ZFHX3: variants seen among roughly 807,000 people sequenced by gnomAD.
ZFHX3 encodes zinc finger homeobox protein 3.
Under a neutral mutation model 279.1 loss-of-function variants are expected in ZFHX3, and 42 were observed. The observed-to-expected ratio is 0.15, with a 90% CI of 0.12 to 0.19. The LOEUF is 0.19. ZFHX3 is among the 10% of genes least tolerant of loss of function. The pLI, the probability that ZFHX3 is intolerant of heterozygous loss-of-function variation, is 1.00. For synonymous variants in ZFHX3, 2,293 were observed against 1,957.8 expected (o/e 1.17, Z -4.52); for missense variants, 4,981 against 4,754.0 (o/e 1.05, Z -1.40).
At chr16:73,617,081 G>C (rs567332278) in intron 2 of ZFHX3, among the ~76,000 whole-genome samples, 2 of 152,284 alleles carry the variant, frequency 1.3e-5, no homozygotes, top group African/African-American at 2.4e-5. Context: ...GAGAGATTAG[G>C]TGCAGATGAG....
chr16:73,738,078 G>C (rs577153089), intron 1 of ZFHX3, among the ~76,000 whole-genome samples: 51 of 152,128 alleles, frequency 3.4e-4, no homozygotes, highest in African/African-American at 1.2e-3. Context: ...ATCAAAAGTG[G>C]GGCAAAAATA....
At chr16:73,295,074 G>A (rs990961764) in intron 4 of ZFHX3, among the ~76,000 whole-genome samples, 1 of 151,932 alleles carries the variant, frequency 6.6e-6, no homozygotes. Context: ...AATTAGCCAG[G>A]CATGGTGGCA....
intron 2 of ZFHX3, among the ~76,000 whole-genome samples, chr16:73,475,247 C>T (rs1356431557): frequency 1.3e-5 from 2 of 152,162 alleles, no homozygotes; most frequent in Admixed American, 1.3e-4. Flanking sequence ...ACTGACTTTA[C>T]GATATTCGTG....
chr16:73,267,808 G>T (rs556561564), intron 4 of ZFHX3, among the ~76,000 whole-genome samples: 16 of 152,100 alleles, frequency 1.1e-4, no homozygotes, highest in East Asian at 3.9e-4. Flanking sequence ...AAGATGATAC[G>T]CAAATTTTCA....
At chr16:73,568,553 G>T (rs1157755404) in intron 2 of ZFHX3, among the ~76,000 whole-genome samples, 2 of 152,204 alleles carry the variant, frequency 1.3e-5, no homozygotes, top group Non-Finnish European at 2.9e-5. Flanking sequence ...AAATCAACCC[G>T]TGTGGAACTT....
At chr16:72,858,194 T>A (rs1303742988) in intron 4 of ZFHX3, among the ~76,000 whole-genome samples, 2 of 152,234 alleles carry the variant, frequency 1.3e-5, no homozygotes, top group Non-Finnish European at 2.9e-5. Flanking sequence ...TGGAAGAAAT[T>A]ATTTTAGATC....
chr16:73,068,424 C>T (rs1223858699), intron 8 of ZFHX3, among the ~76,000 whole-genome samples: 1 of 152,108 alleles, frequency 6.6e-6, no homozygotes, highest in South Asian at 2.1e-4. Context: ...AGAGACAAGT[C>T]ACTGATGGGC....
chr16:72,862,832 GA>G (rs200599099), intron 4 of ZFHX3, among the ~76,000 whole-genome samples: 18,856 of 150,118 alleles, frequency 0.13, 3,292 homozygotes, highest in African/African-American at 0.39. Flanking sequence ...AAATTGCAAG[GA>G]AGGAAAAAAA....
At chr16:73,362,137 C>T (rs1193830390) in intron 3 of ZFHX3, among the ~76,000 whole-genome samples, 2 of 134,370 alleles carry the variant, frequency 1.5e-5, no homozygotes, top group African/African-American at 6.1e-5. Flanking sequence ...CCTTGCCTTC[C>T]TTGCCAACCC....
intron 4 of ZFHX3, among the ~76,000 whole-genome samples, chr16:73,291,907 C>T (rs959933945): frequency 2.0e-5 from 3 of 152,158 alleles, no homozygotes; most frequent in Admixed American, 1.3e-4. Flanking sequence ...TGGCAAGCAT[C>T]TCACTTTTGT....
At chr16:73,306,445 A>G (rs548993045) in intron 4 of ZFHX3, among the ~76,000 whole-genome samples, 2 of 152,146 alleles carry the variant, frequency 1.3e-5, no homozygotes, top group African/African-American at 4.8e-5. Flanking sequence ...TCAGCCTCCC[A>G]TGTACCTGGG....
chr16:73,761,668 G>A (rs971616379), intron 1 of ZFHX3, among the ~76,000 whole-genome samples: 1 of 152,094 alleles, frequency 6.6e-6, no homozygotes, highest in Non-Finnish European at 1.5e-5. Context: ...AAAGAACTCA[G>A]AAATAAGACT....
intron 2 of ZFHX3, among the ~76,000 whole-genome samples, chr16:73,658,134 A>G (rs1188242902): frequency 6.6e-6 from 1 of 152,208 alleles, no homozygotes; most frequent in Non-Finnish European, 1.5e-5. Context: ...ATAATACATT[A>G]CAATTAACAT....
intron 5 of ZFHX3, among the ~76,000 whole-genome samples, chr16:73,203,508 T>G (rs2011681513): frequency 6.6e-6 from 1 of 152,254 alleles, no homozygotes; most frequent in Non-Finnish European, 1.5e-5. Flanking sequence ...TAATGATGCC[T>G]TGTTCCTAGT....
At chr16:73,613,818 A>C (rs1446847931) in intron 2 of ZFHX3, among the ~76,000 whole-genome samples, 3 of 152,174 alleles carry the variant, frequency 2.0e-5, no homozygotes, top group Non-Finnish European at 4.4e-5. Context: ...AGGCCCATTA[A>C]TCTGGCAGAA....
intron 1 of ZFHX3, among the ~76,000 whole-genome samples, chr16:73,839,991 A>G (rs542479674): frequency 7.2e-4 from 109 of 152,258 alleles, no homozygotes; most frequent in African/African-American, 2.3e-3. Context: ...TCCCATGTTC[A>G]ATAACTCTCT....
At chr16:73,435,356 C>A (rs1176032725) in intron 3 of ZFHX3, among the ~76,000 whole-genome samples, 1 of 152,072 alleles carries the variant, frequency 6.6e-6, no homozygotes. Flanking sequence ...CTACATGCGC[C>A]CACTACCAGG....
rs867694257 is a variant in ZFHX3, at chr16:73,518,679, C to T, written c.-1546-62421G>A. 1.3e-5 allele frequency among the ~76,000 whole-genome samples: 2 copies of T among 152,284 alleles called. 1 individual carries two copies. The highest frequency in any genetic ancestry group is 6.8e-3 in the Middle Eastern group (2 of 294). ...CTCTAATAACAATTTTGAGCAAATG[C>T]TTTCAGGTTTTGCCGAAAGAAAAAA... On this transcript the variant is annotated intron_variant, in intron 2 of 17. Coordinates refer to the ZFHX3 transcript ENST00000641206.
At chr16:73,507,009 G>A (rs1414076958) in intron 2 of ZFHX3, among the ~76,000 whole-genome samples, 1 of 152,172 alleles carries the variant, frequency 6.6e-6, no homozygotes, top group African/African-American at 2.4e-5. Flanking sequence ...CGACGCATAA[G>A]TGGAATGCGT....
Sources: allele counts gnomAD v4.1 joint callset (sites outside exome capture counted in the v4.1 genomes callset), GRCh38; gene constraint gnomAD v4.1.1; transcripts MANE v1.5; gene names NCBI Gene and HGNC (gene_info 2026-07-23, HGNC 2026-07-21).